Variants in ST6GALNAC5 observed in about 807,000 individuals in gnomAD.
The protein encoded by ST6GALNAC5 is ST6 N-acetylgalactosaminide alpha-2,6-sialyltransferase 5, also known as alpha-N-acetylgalactosaminide alpha-2,6-sialyltransferase 5.
ST6GALNAC5 carries 27 observed loss-of-function variants against 33.6 expected under a neutral mutation model. The ratio of observed to expected loss-of-function variants is 0.80; its 90% CI spans 0.59 to 1.11. The LOEUF (loss-of-function observed/expected upper bound fraction) is 1.11, where lower values mean the gene tolerates loss of function less well. ST6GALNAC5 is among the 50% of genes least tolerant of loss of function. ST6GALNAC5 has a pLI of 0.00. For missense variants in ST6GALNAC5, 428 were observed against 454.0 expected (o/e 0.94, Z 0.52); for synonymous variants, 194 against 171.2 (o/e 1.13, Z -1.04).
At chr1:76,883,042 A>G (rs1653817666) in intron 2 of ST6GALNAC5, among the ~76,000 whole-genome samples, 1 of 152,202 alleles carries the variant, frequency 6.6e-6, no homozygotes, top group Non-Finnish European at 1.5e-5. Context: ...ACATCTATGC[A>G]GAGTATACCC....
chr1:76,984,284 A>G (rs1341283331), intron 2 of ST6GALNAC5, among the ~76,000 whole-genome samples: 1 of 152,214 alleles, frequency 6.6e-6, no homozygotes, highest in Non-Finnish European at 1.5e-5. Flanking sequence ...TAAAGAAGAA[A>G]AAAGAGAAGA....
chr1:76,991,008 G>C (rs537067620), intron 2 of ST6GALNAC5, among the ~76,000 whole-genome samples: 4 of 152,208 alleles, frequency 2.6e-5, no homozygotes, highest in Non-Finnish European at 4.4e-5. Flanking sequence ...TAGAAGGAGG[G>C]AAGTAGGGAA....
intron 2 of ST6GALNAC5, among the ~76,000 whole-genome samples, chr1:77,035,018 C>G (rs954266381): frequency 6.6e-6 from 1 of 152,092 alleles, no homozygotes; most frequent in African/African-American, 2.4e-5. Context: ...CTGGCCCAGC[C>G]CAGTGGTTCT....
intron 2 of ST6GALNAC5, among the ~76,000 whole-genome samples, chr1:77,004,575 TAG>T (rs1223897705): frequency 7.4e-6 from 1 of 136,002 alleles, no homozygotes; most frequent in African/African-American, 2.5e-5. Flanking sequence ...CTCTGTGTTT[TAG>T]AGTTTCCAGT....
At chr1:76,984,807 C>T (rs1391461281) in intron 2 of ST6GALNAC5, among the ~76,000 whole-genome samples, 1 of 152,172 alleles carries the variant, frequency 6.6e-6, no homozygotes, top group Non-Finnish European at 1.5e-5. Flanking sequence ...CATCAAAAAG[C>T]TTATGCACTA....
intron 2 of ST6GALNAC5, among the ~76,000 whole-genome samples, chr1:77,000,261 A>G (rs1261826216): frequency 8.6e-6 from 1 of 116,310 alleles, no homozygotes; most frequent in African/African-American, 2.6e-5. Flanking sequence ...GCATTTTTTC[A>G]TGTGTTTTTT....
intron 2 of ST6GALNAC5, among the ~76,000 whole-genome samples, chr1:77,018,078 T>A (rs1454457123): frequency 6.6e-6 from 1 of 152,176 alleles, no homozygotes; most frequent in Non-Finnish European, 1.5e-5. Flanking sequence ...TTATGTTTCA[T>A]TCTGAATGAT....
intron 2 of ST6GALNAC5, among the ~76,000 whole-genome samples, chr1:76,973,551 A>C (rs1332910557): frequency 6.6e-6 from 1 of 152,168 alleles, no homozygotes; most frequent in Non-Finnish European, 1.5e-5. Context: ...TCATGGAAAC[A>C]TCAAGAATAA....
chr1:76,947,758 A>G (rs555437558), intron 2 of ST6GALNAC5, among the ~76,000 whole-genome samples: 2 of 152,204 alleles, frequency 1.3e-5, no homozygotes, highest in African/African-American at 4.8e-5. Flanking sequence ...AAAAGGAAAA[A>G]TAATAATAAG....
At chr1:76,880,481 T>C (rs959705607) in intron 2 of ST6GALNAC5, among the ~76,000 whole-genome samples, 2 of 152,178 alleles carry the variant, frequency 1.3e-5, no homozygotes, top group Middle Eastern at 3.2e-3. Flanking sequence ...AATAGTTTAT[T>C]AAGTATTAAC....
intron 4 of ST6GALNAC5, among the ~76,000 whole-genome samples, chr1:77,058,480 C>T (rs1652472240): frequency 6.6e-6 from 1 of 152,158 alleles, no homozygotes. Flanking sequence ...AAGAGCCTGG[C>T]ACCTCCCCCT....
intron 2 of ST6GALNAC5, among the ~76,000 whole-genome samples, chr1:76,959,492 G>C (rs1000202711): frequency 6.6e-6 from 1 of 152,176 alleles, no homozygotes; most frequent in Non-Finnish European, 1.5e-5. Context: ...ACATGGCCTA[G>C]TTTGCTTAGC....
chr1:76,900,178 T>C (rs572448272), intron 2 of ST6GALNAC5, among the ~76,000 whole-genome samples: 105 of 152,004 alleles, frequency 6.9e-4, no homozygotes, highest in Non-Finnish European at 1.2e-3. Context: ...AGAGTGGAGG[T>C]CACAAGGTGC....
intron 2 of ST6GALNAC5, among the ~76,000 whole-genome samples, chr1:77,006,017 A>G (rs751130504): frequency 2.0e-5 from 3 of 152,206 alleles, no homozygotes; most frequent in Admixed American, 6.5e-5. Context: ...TTGGTATACA[A>G]AATTTCTTTG....
chr1:76,880,312 T>G (rs1383598037), intron 2 of ST6GALNAC5, among the ~76,000 whole-genome samples: 1 of 152,214 alleles, frequency 6.6e-6, no homozygotes, highest in Non-Finnish European at 1.5e-5. Context: ...CTTGGCATTT[T>G]GGGGTCTAAT....
Position 77,044,279 on chromosome 1 carries a change from C to G in ST6GALNAC5, c.337C>G (p.Gln113Glu), listed in dbSNP as rs2100462119. Reference sequence around the variant, plus strand: ...TCTGCTGCACAGTCGGCAAGGCTCCCAGATTGACCAGACAGAGTGTGTCAT... The same window carrying G: ...TCTGCTGCACAGTCGGCAAGGCTCCGAGATTGACCAGACAGAGTGTGTCAT... ...GHLLHSRQGS[Q>E]IDQTECVIRM... Residue 113 changes from glutamine to glutamate, a missense_variant, in exon 3 of 5, where the codon CAG (glutamine) becomes GAG (glutamate). Transcript: ENST00000477717. The G allele has an allele frequency of 6.2e-7, 1 of 1,613,964 alleles. No individual in the cohort carries two copies. Among genetic ancestry groups the G allele is most frequent in the Non-Finnish European group, 8.5e-7 (1 of 1,180,028 alleles).
intron 2 of ST6GALNAC5, among the ~76,000 whole-genome samples, chr1:77,001,999 C>T (rs1036460955): frequency 1.9e-4 from 29 of 152,242 alleles, no homozygotes; most frequent in African/African-American, 7.0e-4. Context: ...ATGATGCTGG[C>T]CTCATAAAAT....
In ST6GALNAC5 at chr1:77,065,808, T is replaced by A. The variant is rs1483852972; in HGVS notation, c.*2602T>A. The A allele has an allele frequency of 6.6e-6, 1 of 152,192 alleles. No individual in the cohort carries two copies. Among genetic ancestry groups the A allele is most frequent in the Non-Finnish European group, 1.5e-5 (1 of 68,036 alleles). The allele number at this position is 152,192 out of a possible 1,614,324, so 9.4% of individuals were successfully genotyped here. A position where few individuals can be genotyped will look rare whatever the true frequency, so the allele number is the denominator to read the frequency against. On this transcript the variant is annotated 3_prime_UTR_variant, in exon 5 of 5. Transcript: ENST00000477717. ...CTCGTTATGTTACATGCCTTTTTCC[T>A]CTCTCCCAGCTGTGTCATCAGCTCC... is the stretch of plus-strand genomic sequence containing the variant.
chr1:76,978,465 G>T (rs1472987553), intron 2 of ST6GALNAC5, among the ~76,000 whole-genome samples: 1 of 152,088 alleles, frequency 6.6e-6, no homozygotes, highest in Non-Finnish European at 1.5e-5. Flanking sequence ...TGCAAGGATG[G>T]TTCAATATAT....
Sources: allele counts gnomAD v4.1 joint callset (sites outside exome capture counted in the v4.1 genomes callset), GRCh38; gene constraint gnomAD v4.1.1; transcripts MANE v1.5; gene names NCBI Gene and HGNC (gene_info 2026-07-23, HGNC 2026-07-21).